HCN4: variants seen among roughly 807,000 people sequenced by gnomAD.
HCN4 encodes the protein hyperpolarization activated cyclic nucleotide gated potassium channel 4, also known as potassium/sodium hyperpolarization-activated cyclic nucleotide-gated channel 4.
HCN4 carries 29 observed loss-of-function variants against 76.9 expected under a neutral mutation model. The ratio of observed to expected loss-of-function variants is 0.38; its 90% confidence interval spans 0.28 to 0.51. The LOEUF is 0.51. Ranked by LOEUF, HCN4 falls within the 20% of genes least tolerant of loss-of-function variation. The pLI, the probability that HCN4 is intolerant of heterozygous loss-of-function variation, is 0.90. For synonymous variants in HCN4, 772 were observed against 762.5 expected (o/e 1.01, Z -0.21); for missense variants, 1,416 against 1,715.2 (o/e 0.83, Z 3.08).
chr15:73,365,883 T>C (rs975013744), intron 1 of HCN4, among the ~76,000 whole-genome samples: 7 of 151,736 alleles, frequency 4.6e-5, no homozygotes, highest in Non-Finnish European at 8.8e-5. Context: ...CACTGAAGAG[T>C]TGAGAGACAG....
chr15:73,323,642 G>A lies in HCN4; in HGVS notation c.2451C>T (p.Leu817=), dbSNP rs1167668657. 1.0e-5 allele frequency: 16 copies of A among 1,597,188 alleles called. No individual in the cohort carries two copies. Among genetic ancestry groups the A allele is most frequent in the South Asian group, 3.3e-5 (3 of 89,652 alleles). ...GGTGCCTTGGCGTCTGCCCGGCACCGAGGTTGCCCAGCCCAGATCCTGGGG... is the reference window on the plus strand; with the variant it reads ...GGTGCCTTGGCGTCTGCCCGGCACCAAGGTTGCCCAGCCCAGATCCTGGGG... ...RPPPGSGLGN[L]GAGQTPRHLK... The change falls in exon 8 of 8, where the codon CTC becomes CTT. Residue 817 remains leucine, a synonymous_variant. Coordinates refer to ENST00000261917, the MANE Select transcript of HCN4 (RefSeq NM_005477.3).
chr15:73,363,888 A>G (rs889996973), intron 1 of HCN4, among the ~76,000 whole-genome samples: 1 of 152,188 alleles, frequency 6.6e-6, no homozygotes, highest in Non-Finnish European at 1.5e-5. Context: ...CTGGGGCTCA[A>G]ATAAGGCTCA....
chr15:73,323,987 CGGG>C, intron 7 of HCN4, 38 bp from the exon 8 acceptor site: 1 of 1,610,020 alleles, frequency 6.2e-7, no homozygotes. Context: ...CAGGGCAGAG[CGGG>C]GAAGGAGATC....
chr15:73,322,329 C>G lies in HCN4; in HGVS notation c.*152G>C. ...CCAAAAATCTATAGCTCTAAGAATA[C>G]CTGGTTATTTTCTGCTGTCTTTTGT... On this transcript the variant is annotated 3_prime_UTR_variant, in exon 8 of 8. Coordinates refer to ENST00000261917, the MANE Select transcript of HCN4 (RefSeq NM_005477.3). 1.7e-6 allele frequency: 1 copy of G among 592,630 alleles called. No homozygotes were observed. The highest frequency in any genetic ancestry group is 3.0e-6 in the Non-Finnish European group (1 of 330,620). 36.7% of individuals were successfully genotyped at this position (592,630 alleles called of 1,614,324 possible).
In HCN4 at chr15:73,329,554, G is replaced by A. The variant is rs766780287; in HGVS notation, c.1590+19C>T. On this transcript the variant is annotated intron_variant, in intron 4 of 7. Coordinates refer to ENST00000261917, the MANE Select transcript of HCN4 (RefSeq NM_005477.3). ...TCTTGGGAGGGACCAATGTGCGGGT[G>A]CTCCCTGGGTAGACCTACCTTTTCC... 2 of 1,611,318 alleles carry A rather than the reference G, an allele frequency of 1.2e-6. No homozygotes were observed. The highest frequency in any genetic ancestry group is 1.3e-5 in the African/African-American group (1 of 74,882).
chr15:73,364,272 C>G (rs911245345), intron 1 of HCN4, among the ~76,000 whole-genome samples: 6 of 152,210 alleles, frequency 3.9e-5, no homozygotes, highest in African/African-American at 1.4e-4. Flanking sequence ...GCTTCCACAT[C>G]CACCCACACA....
At chr15:73,332,319 TG>T (rs762738617) in intron 2 of HCN4, 27 bp from the exon 3 acceptor site, 1 of 1,613,466 alleles carries the variant, frequency 6.2e-7, no homozygotes, top group Non-Finnish European at 8.5e-7. Flanking sequence ...AGAAATTGGC[TG>T]GGATAGGTGA....
intron 1 of HCN4, among the ~76,000 whole-genome samples, chr15:73,358,600 A>C (rs1454673050): frequency 1.3e-5 from 2 of 152,108 alleles, no homozygotes; most frequent in Non-Finnish European, 2.9e-5. Context: ...ACAGGCAAAC[A>C]CACCACACGT....
At chr15:73,360,492 T>C (rs1056975685) in intron 1 of HCN4, among the ~76,000 whole-genome samples, 1 of 152,202 alleles carries the variant, frequency 6.6e-6, no homozygotes, top group South Asian at 2.1e-4. Context: ...TCTGAGCCCC[T>C]CCTCGACGTT....
Position 73,324,194 on chromosome 15 carries a change from G to A in HCN4, c.2038C>T (p.Arg680Cys). 1.9e-6 allele frequency: 3 copies of A among 1,614,120 alleles called. No homozygotes were observed. Among genetic ancestry groups the A allele is most frequent in the Non-Finnish European group, 2.5e-6 (3 of 1,179,990 alleles). The change falls in exon 7 of 8, where the codon CGC (arginine) becomes TGC (cysteine). Residue 680 changes from arginine to cysteine, a missense_variant. By Grantham distance (180) the Arg-to-Cys change is radical (BLOSUM62 -3). This residue lies in a region of HCN4 where 241 missense variants were observed against 379.4 expected (regional missense o/e 0.64). Coordinates refer to ENST00000261917, the MANE Select transcript of HCN4 (RefSeq NM_005477.3). ...TTGTCCACGCTCAGCGAGTAGAGGC[G>A]GCAGTAGGTGTCGGCCCTCACGCTG... is the stretch of plus-strand genomic sequence containing the variant. ...TASVRADTYC[R>C]LYSLSVDNFN...
chr15:73,368,481 T>G lies in HCN4; in HGVS notation c.-211A>C. 1 of 352,872 alleles carries G rather than the reference T, an allele frequency of 2.8e-6. No individual in the cohort carries two copies. The highest frequency in any genetic ancestry group is 5.0e-6 in the Non-Finnish European group (1 of 198,472). 21.9% of individuals were successfully genotyped at this position (352,872 alleles called of 1,614,324 possible). ...GTCCCCGGGCTCGCCGCGCTACACC[T>G]CCTCCCGGGCCCGGCTGGGCGCGGG... On this transcript the variant is annotated 5_prime_UTR_variant, in exon 1 of 8. Coordinates refer to ENST00000261917, the MANE Select transcript of HCN4 (RefSeq NM_005477.3). This position sits in a 1 kb window ranked among gnomAD's most constrained non-coding sequence, Gnocchi z 6.9.
chr15:73,338,079 T>G (rs1259415990), intron 2 of HCN4, among the ~76,000 whole-genome samples: 1 of 152,154 alleles, frequency 6.6e-6, no homozygotes, highest in Admixed American at 6.5e-5. Flanking sequence ...GGGGGTGCCC[T>G]AGATTTGAGG....
chr15:73,341,084 G>C (rs1307556129), intron 2 of HCN4: 1 of 151,378 alleles, frequency 6.6e-6, no homozygotes, highest in Non-Finnish European at 1.5e-5. Flanking sequence ...GTGTGTGTGT[G>C]TGTGTGTGTG....
At chr15:73,362,098 C>A (rs924261976) in intron 1 of HCN4, among the ~76,000 whole-genome samples, 5 of 152,230 alleles carry the variant, frequency 3.3e-5, no homozygotes, top group Non-Finnish European at 5.9e-5. Flanking sequence ...CCTGTTCACA[C>A]CCATCCCAAA....
In HCN4 at chr15:73,323,006, G is replaced by A. The variant is rs1280129625; in HGVS notation, c.3087C>T (p.Gly1029=). 2.1e-6 allele frequency: 3 copies of A among 1,463,112 alleles called. 1 individual carries two copies. In the South Asian group the frequency reaches 4.3e-5, roughly 21 times the overall value. The allele number at this position is 1,463,112 out of a possible 1,614,324, so 90.6% of individuals were successfully genotyped here. ...FTPRGGLSPP[G]HSPGPPRTFP... ...AGGTTCTTGGGGGGCCTGGGCTGTGGCCAGGGGGGCTGAGACCTCCTCGGG... is the reference window on the plus strand; with the variant it reads ...AGGTTCTTGGGGGGCCTGGGCTGTGACCAGGGGGGCTGAGACCTCCTCGGG... The change falls in exon 8 of 8, where the codon GGC becomes GGT. Residue 1029 remains glycine (G), a synonymous_variant. Transcript: ENST00000261917.
chr15:73,359,373 T>C (rs572737311), intron 1 of HCN4, among the ~76,000 whole-genome samples: 91 of 152,196 alleles, frequency 6.0e-4, no homozygotes, highest in African/African-American at 2.2e-3. Flanking sequence ...ACGTGTGAGA[T>C]TTGGTGGCTC....
chr15:73,360,394 A>C (rs1326292303), intron 1 of HCN4, among the ~76,000 whole-genome samples: 1 of 152,150 alleles, frequency 6.6e-6, no homozygotes, highest in East Asian at 1.9e-4. Flanking sequence ...CTATGAAACA[A>C]AGGCTCCAGG....
chr15:73,360,636 C>T (rs1303734775), intron 1 of HCN4, among the ~76,000 whole-genome samples: 3 of 152,220 alleles, frequency 2.0e-5, no homozygotes, highest in Non-Finnish European at 4.4e-5. Context: ...CTCTCTCTCT[C>T]TCTCTCTCCT....
At position 73,320,729 on chromosome 15, in the gene HCN4, C is replaced by T. The variant is rs2042852275; in HGVS notation, c.*1752G>A. ...CCTCTGACCCCTCAGCCTGGGGATC[C>T]CCTCCCAAAGCCCTGATCCACCACT... On this transcript the variant is annotated 3_prime_UTR_variant, in exon 8 of 8. Transcript: ENST00000261917. 2 of 152,490 alleles carry T rather than the reference C, an allele frequency of 1.3e-5. No homozygotes were observed. Among genetic ancestry groups the T allele is most frequent in the African/African-American group, 4.8e-5 (2 of 41,420 alleles). The allele number at this position is 152,490 out of a possible 1,614,324, so 9.4% of individuals were successfully genotyped here.
Sources: gnomAD v4.1 joint callset for allele counts (sites outside exome capture counted in the v4.1 genomes callset) on GRCh38, gnomAD v4.1.1 for gene constraint, gnomAD v4.1.1 regional missense constraint, Gnocchi (gnomAD v3.1) non-coding constraint, MANE v1.5 for transcripts, NCBI Gene and HGNC (gene_info 2026-07-23, HGNC 2026-07-21) for gene names.